CELF2: variants seen among roughly 807,000 people sequenced by gnomAD.
The protein encoded by CELF2 is CUG triplet repeat RNA-binding protein 2.
In CELF2, 8 loss-of-function variants were observed where a neutral mutation model predicts 62.6. The observed-to-expected ratio is 0.13, with a 90% confidence interval of 0.07 to 0.23. CELF2 has a LOEUF of 0.23. Among genes scored for constraint, CELF2 ranks in the 10% least tolerant of loss-of-function variants. The probability of loss-of-function intolerance (pLI) is 1.00; values close to 1 mark genes in which losing one functional copy is unlikely to be tolerated. For synonymous variants in CELF2, 258 were observed against 250.0 expected (o/e 1.03, Z -0.30); for missense variants, 333 against 671.0 (o/e 0.50, Z 5.56).
intron 1 of CELF2, among the ~76,000 whole-genome samples, chr10:10,905,893 A>T (rs1172256853): frequency 6.6e-6 from 1 of 151,264 alleles, no homozygotes; most frequent in Non-Finnish European, 1.5e-5. Flanking sequence ...AGAAAAAAAA[A>T]AAAAGAAAAA....
At position 10,934,358 on chromosome 10, in the gene CELF2, A is replaced by G. The variant is rs1046557493; in HGVS notation, c.89+14359A>G. 6.6e-6 allele frequency among the ~76,000 whole-genome samples: 1 copy of G among 152,222 alleles called. No homozygotes were observed. Among genetic ancestry groups the G allele is most frequent in the African/African-American group, 2.4e-5 (1 of 41,460 alleles). ...GCTCACCTTTCTATCCTCAACACCT[A>G]GCATAGTGCCTCCAGCACACAACAG... On this transcript the variant is annotated intron_variant, in intron 2 of 13. Transcript: ENST00000636488. The surrounding 1 kb of genome is among the most constrained non-coding windows in gnomAD (Gnocchi z 4.4).
chr10:10,523,102 C>T, the CELF2 span, among the ~76,000 whole-genome samples: 2 of 152,160 alleles, frequency 1.3e-5, no homozygotes, highest in African/African-American at 4.8e-5. Context: ...ATGTGTCTAC[C>T]TCTGGAGAGA....
intron 1 of CELF2, among the ~76,000 whole-genome samples, chr10:10,894,636 G>A (rs991632609): frequency 1.3e-5 from 2 of 152,050 alleles, no homozygotes; most frequent in African/African-American, 4.8e-5. Context: ...CAATTAACTA[G>A]AAAGAAGGAT....
rs1162245688 is a variant in CELF2 at position 11,264,346 on chromosome 10, G to C, written c.539-2252G>C. Among the ~76,000 whole-genome samples, 3 of 152,130 alleles carry C rather than the reference G, an allele frequency of 2.0e-5. No homozygotes were observed. In the East Asian group the frequency reaches 5.8e-4, roughly 29 times the overall value. ...AAACTGTGCCTTATTGATTTTTGTT[G>C]ACATTTTACATGTTTCTTACGCATT... On this transcript the variant is annotated intron_variant, in intron 5 of 12. Transcript: ENST00000633077.
rs2095908245 is a variant in CELF2 at position 11,329,062 on chromosome 10, CCA to C, written c.*10_*11del. ...ACAGCAAACCTTACTGATCCTAACC[CCA>C]GAGGCTCCCTGCTCTCATTTTAGCT... On this transcript the variant is annotated 3_prime_UTR_variant, in exon 13 of 13. Coordinates refer to ENST00000633077, the MANE Select transcript of CELF2 (RefSeq NM_001326342.2). This position sits in a 1 kb window ranked among gnomAD's most constrained non-coding sequence, Gnocchi z 5.5. 2 of 1,606,910 alleles carry C rather than the reference CCA, an allele frequency of 1.2e-6. No homozygotes were observed. The highest frequency in any genetic ancestry group is 2.2e-5 in the South Asian group (2 of 90,676).
chr10:11,276,469 G>A (rs1020288033), intron 8 of CELF2, among the ~76,000 whole-genome samples: 2 of 152,162 alleles, frequency 1.3e-5, no homozygotes, highest in African/African-American at 2.4e-5. Context: ...CACATTGAAT[G>A]GTTAATTTAT....
intron 1 of CELF2, among the ~76,000 whole-genome samples, chr10:10,868,690 C>A (rs145343451): frequency 6.6e-6 from 1 of 152,324 alleles, no homozygotes; most frequent in East Asian, 1.9e-4. Context: ...TTCCTACTGG[C>A]TGCTCTCCTG....
chr10:10,722,792 C>T, the CELF2 span, among the ~76,000 whole-genome samples: 1 of 152,164 alleles, frequency 6.6e-6, no homozygotes, highest in Non-Finnish European at 1.5e-5. Context: ...AAAGTTATCA[C>T]TATATTTCCA....
chr10:10,514,230 TA>T, the CELF2 span, among the ~76,000 whole-genome samples: 1 of 152,228 alleles, frequency 6.6e-6, no homozygotes, highest in East Asian at 1.9e-4. Flanking sequence ...TTTGGAATAT[TA>T]TAAGTATAGA....
chr10:10,706,727 A>G, the CELF2 span, among the ~76,000 whole-genome samples: 1 of 152,212 alleles, frequency 6.6e-6, no homozygotes, highest in Non-Finnish European at 1.5e-5. Context: ...CAAAAGTTAC[A>G]GAGTGGTTAG....
chr10:10,502,058 A>G, the CELF2 span, among the ~76,000 whole-genome samples: 1 of 152,108 alleles, frequency 6.6e-6, no homozygotes, highest in Non-Finnish European at 1.5e-5. Context: ...ATGGTGGATT[A>G]CATTAATTGA....
At chr10:11,286,201 C>T (rs1214321138) in intron 8 of CELF2, among the ~76,000 whole-genome samples, 1 of 152,222 alleles carries the variant, frequency 6.6e-6, no homozygotes, top group African/African-American at 2.4e-5. Context: ...TGAGCCAGGC[C>T]ATCAACACAG....
chr10:11,252,222 A>G (rs1476088403), intron 4 of CELF2, among the ~76,000 whole-genome samples: 1 of 152,210 alleles, frequency 6.6e-6, no homozygotes, highest in East Asian at 1.9e-4. Flanking sequence ...CTAATTTCAC[A>G]TGGCATTTTT....
chr10:11,063,486 G>T (rs766628435), intron 1 of CELF2, among the ~76,000 whole-genome samples: 1 of 152,158 alleles, frequency 6.6e-6, no homozygotes, highest in Non-Finnish European at 1.5e-5. Flanking sequence ...TGTGCTAAGC[G>T]CTGTGCATAG....
At chr10:10,874,605 T>A (rs1454163352) in intron 1 of CELF2, among the ~76,000 whole-genome samples, 2 of 152,162 alleles carry the variant, frequency 1.3e-5, no homozygotes, top group East Asian at 1.9e-4. Flanking sequence ...TTAAACAAAT[T>A]GTTAGTGTGA....
chr10:10,759,296 C>CTTTTTTTTT, the CELF2 span, among the ~76,000 whole-genome samples: 13 of 120,906 alleles, frequency 1.1e-4, no homozygotes, highest in East Asian at 2.8e-4. Flanking sequence ...GCCCATTTTT[C>CTTTTTTTTT]TTTTTTTTTT....
At chr10:11,327,485 TAGCACCC>T (rs1365324704) in intron 12 of CELF2, among the ~76,000 whole-genome samples, 1 of 152,210 alleles carries the variant, frequency 6.6e-6, no homozygotes, top group Non-Finnish European at 1.5e-5. Context: ...TGGAACGCTA[TAGCACCC>T]AGTTTGCTTG....
chr10:10,798,957 G>A (rs1038110962), intron 1 of CELF2: 1 of 396,998 alleles, frequency 2.5e-6, no homozygotes, highest in Non-Finnish European at 4.4e-6. Context: ...ATCTGCTAGT[G>A]GGAAGACTGT....
chr10:10,662,696 C>CA, the CELF2 span, among the ~76,000 whole-genome samples: 589 of 147,310 alleles, frequency 4.0e-3, 2 homozygotes, highest in Middle Eastern at 0.014. Context: ...GCTAAATTGA[C>CA]AAAAAAAAAA....
Sources: allele counts gnomAD v4.1 joint callset (sites outside exome capture counted in the v4.1 genomes callset), GRCh38; gene constraint gnomAD v4.1.1; non-coding constraint Gnocchi (gnomAD v3.1); transcripts MANE v1.5; gene names NCBI Gene and HGNC (gene_info 2026-07-23, HGNC 2026-07-21).